The following CEP63 variants were observed in gnomAD, a reference collection of about 807,000 sequenced individuals.
The protein encoded by CEP63 is centrosomal protein 63.
In CEP63, 84 loss-of-function variants were observed where a neutral mutation model predicts 89.1. That is an observed-to-expected ratio of 0.94 (90% CI 0.79 to 1.13). The LOEUF (loss-of-function observed/expected upper bound fraction) is 1.13. Among genes scored for constraint, CEP63 ranks in the 50% most tolerant of loss-of-function variants. CEP63 has a pLI of 0.00. For missense variants in CEP63, 838 were observed against 813.3 expected, an observed-to-expected ratio of 1.03 and a Z score of -0.37; for synonymous variants, 267 against 272.5, an observed-to-expected ratio of 0.98 and a Z score of 0.20.
the CEP63 span, among the ~76,000 whole-genome samples, chr3:134,681,797 T>C: frequency 6.6e-6 from 1 of 152,222 alleles, no homozygotes; most frequent in East Asian, 1.9e-4. Context: ...ACGTGGATGA[T>C]CTCATGCGGT....
rs762508528 is a variant in CEP63, at chr3:134,551,944, G to A, written c.1399G>A (p.Glu467Lys). 3 of 1,609,036 alleles carry A rather than the reference G, an allele frequency of 1.9e-6. No individual in the cohort carries two copies. The highest frequency in any genetic ancestry group is 1.7e-6 in the Non-Finnish European group (2 of 1,176,848). The change falls in exon 12 of 15, where the codon GAG (glutamate) becomes AAG (lysine). Residue 467 changes from glutamate to lysine, a missense_variant. Physicochemically the swap from Glu to Lys is moderately conservative, Grantham distance 56 (BLOSUM62 1). Coordinates refer to ENST00000675561, the MANE Select transcript of CEP63 (RefSeq NM_001353108.3). ...TTTTCAGGAGATTTTGGATCAGCTG[G>A]AGTCACTCAAATTAGAAAATCGTCA... ...VEHKEILDQL[E>K]SLKLENRHLS... is the part of the protein sequence containing the mutation.
chr3:134,727,307 A>G, the CEP63 span, among the ~76,000 whole-genome samples: 286 of 152,314 alleles, frequency 1.9e-3, 3 homozygotes, highest in African/African-American at 6.5e-3. Flanking sequence ...AAGATTTAAT[A>G]GTGTTAGTGC....
the CEP63 span, among the ~76,000 whole-genome samples, chr3:134,757,752 G>C: frequency 6.6e-6 from 1 of 152,160 alleles, no homozygotes; most frequent in African/African-American, 2.4e-5. Flanking sequence ...TGACGAGTCT[G>C]GTTGGAAGGC....
In CEP63 at chr3:134,500,398, ACATGTGAGCG is replaced by A. The variant is rs372099769; in HGVS notation, c.44+5041_44+5050del. On this transcript the variant is annotated intron_variant, in intron 2 of 14. Transcript: ENST00000675561. ...GCTATTGTGATTGGTGTTGCGATGAACATGTGAGCGCATGTGTCTTTTTGGTAGAATTATT... is the reference window on the plus strand; with the variant it reads ...GCTATTGTGATTGGTGTTGCGATGAACATGTGTCTTTTTGGTAGAATTATT... Among the ~76,000 whole-genome samples, 1,136 of 152,236 alleles carry A rather than the reference ACATGTGAGCG, an allele frequency of 7.5e-3. 23 individuals are homozygous for A. The highest frequency in any genetic ancestry group is 0.074 in the South Asian group (357 of 4,828).
chr3:134,508,790 C>T (rs1364887551), intron 3 of CEP63, among the ~76,000 whole-genome samples: 2 of 151,960 alleles, frequency 1.3e-5, no homozygotes, highest in Non-Finnish European at 2.9e-5. Flanking sequence ...TTAAGTTTGG[C>T]CTGGGGACAT....
At chr3:134,777,608 ATTTTTTTTTTTTTT>A in the CEP63 span, among the ~76,000 whole-genome samples, 2 of 100,186 alleles carry the variant, frequency 2.0e-5, no homozygotes, top group Non-Finnish European at 1.9e-5. Context: ...AAAGAATAGA[ATTTTTTTTTTTTTT>A]TTTTTTTTTT....
At chr3:134,761,367 G>A in the CEP63 span, among the ~76,000 whole-genome samples, 1 of 152,200 alleles carries the variant, frequency 6.6e-6, no homozygotes. Context: ...GCAGCTCAGA[G>A]GGCAAGGTCA....
chr3:134,670,122 T>C, the CEP63 span, among the ~76,000 whole-genome samples: 612 of 152,320 alleles, frequency 4.0e-3, 4 homozygotes, highest in Non-Finnish European at 4.0e-3. Context: ...TCTAGAACTA[T>C]GAGAAATAAA....
chr3:134,740,625 G>C, the CEP63 span, among the ~76,000 whole-genome samples: 3 of 151,952 alleles, frequency 2.0e-5, no homozygotes, highest in Non-Finnish European at 2.9e-5. Flanking sequence ...TCCTACATCC[G>C]ACCTTGGATT....
At chr3:134,517,630 A>G (rs1445876450) in intron 3 of CEP63, among the ~76,000 whole-genome samples, 1 of 152,192 alleles carries the variant, frequency 6.6e-6, no homozygotes, top group Non-Finnish European at 1.5e-5. Flanking sequence ...GTCTCTGAAC[A>G]TAGTGGAAAT....
the CEP63 span, among the ~76,000 whole-genome samples, chr3:134,675,514 A>C: frequency 6.6e-6 from 1 of 152,242 alleles, no homozygotes; most frequent in Admixed American, 6.5e-5. Context: ...TGAGCAATCA[A>C]ATAAAAAATA....
the CEP63 span, among the ~76,000 whole-genome samples, chr3:134,650,112 C>T: frequency 2.6e-5 from 4 of 152,196 alleles, no homozygotes; most frequent in African/African-American, 9.7e-5. Flanking sequence ...GTCTGGAGAA[C>T]AGAGAGGCCC....
Position 134,496,722 on chromosome 3 carries a change from A to G in CEP63, c.44+1358A>G, listed in dbSNP as rs1940187648. Among the ~76,000 whole-genome samples, 3 of 152,216 alleles carry G rather than the reference A, an allele frequency of 2.0e-5. No individual in the cohort carries two copies. In the South Asian group the frequency reaches 6.2e-4, roughly 31 times the overall value. On this transcript the variant is annotated intron_variant, in intron 2 of 14. Coordinates refer to ENST00000675561, the MANE Select transcript of CEP63 (RefSeq NM_001353108.3). Reference sequence around the variant, plus strand: ...TGCAGTCTTTATTGATAAGGTGAACATCGGGTCCCTGTGGGCATGATGTCT... The same window carrying G: ...TGCAGTCTTTATTGATAAGGTGAACGTCGGGTCCCTGTGGGCATGATGTCT...
rs1957602721 is a variant in CEP63 at position 134,564,324 on chromosome 3, C to T, written c.*2789C>T. ...GCTGTCCTTCAGTTTGTCTCCTCTTCCCACACCCTGTCATGTGCTCCTAAA... is the reference window on the plus strand; with the variant it reads ...GCTGTCCTTCAGTTTGTCTCCTCTTTCCACACCCTGTCATGTGCTCCTAAA... On this transcript the variant is annotated 3_prime_UTR_variant, in exon 15 of 15. Coordinates refer to ENST00000675561, the MANE Select transcript of CEP63 (RefSeq NM_001353108.3). 14 of 985,232 alleles carry T rather than the reference C, an allele frequency of 1.4e-5. No individual in the cohort carries two copies. Among genetic ancestry groups the T allele is most frequent in the African/African-American group, 1.7e-5 (1 of 57,206 alleles). The allele number at this position is 985,232 out of a possible 1,614,324, so 61.0% of individuals were successfully genotyped here.
chr3:134,612,059 C>G, the CEP63 span, among the ~76,000 whole-genome samples: 1 of 152,184 alleles, frequency 6.6e-6, no homozygotes, highest in Admixed American at 6.5e-5. Flanking sequence ...GTTACCATGT[C>G]TGCCTTAACC....
At chr3:134,528,311 T>C (rs1207370999) in intron 3 of CEP63, among the ~76,000 whole-genome samples, 1 of 152,214 alleles carries the variant, frequency 6.6e-6, no homozygotes, top group Non-Finnish European at 1.5e-5. Context: ...CTTTTCCTCC[T>C]GGCTGTGTCT....
At chr3:134,651,045 C>A in the CEP63 span, 1 of 1,582,790 alleles carries the variant, frequency 6.3e-7, no homozygotes. Flanking sequence ...GCAGCTGCCC[C>A]ACACGGGAGA....
chr3:134,548,892 T>C (rs1954196900), intron 9 of CEP63, among the ~76,000 whole-genome samples, 170 bp from the exon 10 acceptor site: 1 of 152,248 alleles, frequency 6.6e-6, no homozygotes, highest in Non-Finnish European at 1.5e-5. Flanking sequence ...TTTACATTTT[T>C]ATCACAGTTT....
chr3:134,650,659 C>T, the CEP63 span, among the ~76,000 whole-genome samples: 1 of 152,136 alleles, frequency 6.6e-6, no homozygotes, highest in South Asian at 2.1e-4. Flanking sequence ...CGCGTTGCCA[C>T]GGGACGCCGG....
Sources: gnomAD v4.1 joint callset for allele counts (sites outside exome capture counted in the v4.1 genomes callset) on GRCh38, gnomAD v4.1.1 for gene constraint, MANE v1.5 for transcripts, NCBI Gene and HGNC (gene_info 2026-07-23, HGNC 2026-07-21) for gene names.